Variants in RERE observed in about 807,000 individuals in gnomAD.
RERE encodes arginine-glutamic acid dipeptide repeats protein.
A neutral mutation model predicts 146.1 loss-of-function variants in RERE; 40 were observed. The ratio of observed to expected loss-of-function variants is 0.27; its 90% CI spans 0.21 to 0.36. RERE has a LOEUF of 0.36. RERE is among the 10% of genes least tolerant of loss of function. The probability of loss-of-function intolerance (pLI) is 1.00; values close to 1 mark genes in which losing one functional copy is unlikely to be tolerated. For missense variants in RERE, 1,933 were observed against 2,138.7 expected (o/e 0.90, Z 1.90); for synonymous variants, 1,003 against 866.0 (o/e 1.16, Z -2.78).
chr1:8,464,295 A>G (rs1180590262), intron 11 of RERE, among the ~76,000 whole-genome samples: 1 of 152,056 alleles, frequency 6.6e-6, no homozygotes, highest in Non-Finnish European at 1.5e-5. Flanking sequence ...CCCATTCCTC[A>G]GCCCTTGCCC....
At chr1:8,447,665 C>T (rs1206310973) in intron 11 of RERE, among the ~76,000 whole-genome samples, 1 of 152,202 alleles carries the variant, frequency 6.6e-6, no homozygotes, top group Non-Finnish European at 1.5e-5. Context: ...AGGAACCCCA[C>T]TTTTATGCAG....
chr1:8,554,496 G>A (rs1157352531), intron 6 of RERE, among the ~76,000 whole-genome samples: 1 of 151,858 alleles, frequency 6.6e-6, no homozygotes, highest in Non-Finnish European at 1.5e-5. Context: ...AGACCAGCCT[G>A]GGCAAGATGG....
chr1:8,369,203 T>TA (rs572255176), intron 12 of RERE, among the ~76,000 whole-genome samples: 22 of 151,574 alleles, frequency 1.5e-4, no homozygotes, highest in Admixed American at 3.3e-4. Flanking sequence ...GCCATCTCTT[T>TA]AAAAAAAATA....
chr1:8,413,044 T>C (rs1033006545), intron 12 of RERE, among the ~76,000 whole-genome samples: 2 of 152,172 alleles, frequency 1.3e-5, no homozygotes, highest in African/African-American at 4.8e-5. Flanking sequence ...AATGAAGAGT[T>C]TTCACGTCTT....
rs553913163 is a variant in RERE, at chr1:8,691,128, C to T, written c.-144-34687G>A. On this transcript the variant is annotated intron_variant, in intron 1 of 22. Coordinates refer to ENST00000400908, the MANE Select transcript of RERE (RefSeq NM_001042681.2). ...GGCCAGGATGGTCTCGATCTCTTGA[C>T]CTTGTGATCTGCCCGCCTCCACCTC... Among the ~76,000 whole-genome samples, 327 of 152,204 alleles carry T rather than the reference C, an allele frequency of 2.1e-3. 1 individual carries two copies. Among genetic ancestry groups the T allele is most frequent in the African/African-American group, 7.5e-3 (310 of 41,528 alleles).
intron 12 of RERE, 128 bp from the exon 13 acceptor site, chr1:8,366,102 C>T: frequency 2.0e-6 from 2 of 996,184 alleles, no homozygotes; most frequent in Non-Finnish European, 2.9e-6. Context: ...AGACCAGTCG[C>T]TCCTGGAGTT....
chr1:8,538,963 T>C (rs1645762341), intron 7 of RERE, among the ~76,000 whole-genome samples: 1 of 152,230 alleles, frequency 6.6e-6, no homozygotes, highest in African/African-American at 2.4e-5. Context: ...AGTGAGTGCC[T>C]GGTTTACAAA....
intron 4 of RERE, among the ~76,000 whole-genome samples, chr1:8,613,980 C>G (rs911688532): frequency 1.3e-5 from 2 of 152,188 alleles, no homozygotes; most frequent in Non-Finnish European, 2.9e-5. Context: ...CATCCTGCTG[C>G]CTCTTACACA....
chr1:8,435,066 C>CA (rs1350212481), intron 11 of RERE, among the ~76,000 whole-genome samples: 1 of 152,204 alleles, frequency 6.6e-6, no homozygotes, highest in Non-Finnish European at 1.5e-5. Flanking sequence ...TAGCGATAGG[C>CA]AACTAATACA....
intron 1 of RERE, among the ~76,000 whole-genome samples, chr1:8,720,036 C>T (rs556576695): frequency 5.3e-5 from 8 of 151,808 alleles, no homozygotes; most frequent in African/African-American, 1.7e-4. Context: ...GCGGCTGAGG[C>T]GGGCAAATCA....
chr1:8,564,284 T>A (rs1484317939), intron 4 of RERE, among the ~76,000 whole-genome samples: 1 of 152,220 alleles, frequency 6.6e-6, no homozygotes. Flanking sequence ...TTTCAGAATT[T>A]TCTAGATTTT....
At chr1:8,453,327 C>A (rs1264534616) in intron 11 of RERE, among the ~76,000 whole-genome samples, 1 of 152,170 alleles carries the variant, frequency 6.6e-6, no homozygotes, top group Non-Finnish European at 1.5e-5. Context: ...CAGAGCCCAC[C>A]CCACTCTTTA....
chr1:8,393,537 G>A (rs1642955858), intron 12 of RERE, among the ~76,000 whole-genome samples: 1 of 152,120 alleles, frequency 6.6e-6, no homozygotes, highest in Non-Finnish European at 1.5e-5. Context: ...AAATGGGGTT[G>A]GTTTTCTAAC....
At chr1:8,521,915 A>G (rs985134903) in intron 7 of RERE, among the ~76,000 whole-genome samples, 16 of 152,232 alleles carry the variant, frequency 1.1e-4, no homozygotes, top group African/African-American at 3.1e-4. Flanking sequence ...GATGTCCAAT[A>G]GGGAAAAAAA....
intron 10 of RERE, among the ~76,000 whole-genome samples, chr1:8,476,301 TA>T (rs1465966673): frequency 6.6e-6 from 1 of 152,218 alleles, no homozygotes; most frequent in East Asian, 1.9e-4. Context: ...ATGAGGATTC[TA>T]ACATAAACCC....
rs185200747 is a variant in RERE, at chr1:8,535,029, G to A, written c.830+6185C>T. Among the ~76,000 whole-genome samples the A allele has an allele frequency of 5.3e-5, 8 of 152,052 alleles. No individual in the cohort carries two copies. The East Asian group carries it at 9.6e-4, about 18-fold the overall frequency. ...TGAGGCAGGAGGATCACTTGAGCCCGGGAGGATCACTGAGGGGGGAGGGAG... is the reference window on the plus strand; with the variant it reads ...TGAGGCAGGAGGATCACTTGAGCCCAGGAGGATCACTGAGGGGGGAGGGAG... On this transcript the variant is annotated intron_variant, in intron 7 of 22. Coordinates refer to ENST00000400908, the MANE Select transcript of RERE (RefSeq NM_001042681.2).
chr1:8,527,801 G>A (rs1645588076), intron 7 of RERE, among the ~76,000 whole-genome samples: 1 of 151,824 alleles, frequency 6.6e-6, no homozygotes, highest in African/African-American at 2.4e-5. Flanking sequence ...CCCCTCAGGG[G>A]CAGCGTACCC....
intron 4 of RERE, among the ~76,000 whole-genome samples, chr1:8,564,637 A>T (rs111564462): frequency 0.02 from 2,972 of 152,266 alleles, 47 homozygotes; most frequent in Non-Finnish European, 0.027. Context: ...TTAAAATGAA[A>T]TTAGATCCAG....
chr1:8,415,840 C>T (rs1224871299), intron 12 of RERE, among the ~76,000 whole-genome samples: 2 of 152,236 alleles, frequency 1.3e-5, no homozygotes, highest in African/African-American at 4.8e-5. Context: ...TATAGGATCA[C>T]AGTACTTACT....
Sources: gnomAD v4.1 joint callset for allele counts (sites outside exome capture counted in the v4.1 genomes callset) on GRCh38, gnomAD v4.1.1 for gene constraint, MANE v1.5 for transcripts, NCBI Gene and HGNC (gene_info 2026-07-23, HGNC 2026-07-21) for gene names.